HRG: variants seen among roughly 807,000 people sequenced by gnomAD.
HRG encodes the protein histidine rich glycoprotein, also known as histidine-rich glycoprotein.
Under a neutral mutation model 29.5 loss-of-function variants are expected in HRG, and 26 were observed. The ratio of observed to expected loss-of-function variants is 0.88; its 90% CI spans 0.65 to 1.22. HRG has a LOEUF of 1.22. Among genes scored for constraint, HRG ranks in the 50% most tolerant of loss-of-function variants. The pLI is 0.00. For synonymous variants in HRG, 243 were observed against 240.4 expected, an observed-to-expected ratio of 1.01 and a Z score of -0.10; for missense variants, 671 against 654.5, an observed-to-expected ratio of 1.03 and a Z score of -0.28.
chr3:186,666,065 A>T lies in HRG; in HGVS notation c.34A>T (p.Thr12Ser). 6.2e-7 allele frequency: 1 copy of T among 1,614,246 alleles called. No individual in the cohort carries two copies. Among genetic ancestry groups the T allele is most frequent in the Non-Finnish European group, 8.5e-7 (1 of 1,180,026 alleles). The stretch of plus-strand genomic sequence containing the variant: ...ACTCATTGCAGCACTGCTTTTGATC[A>T]CATTGCAGTATTCGTGTGCCGTGAG... The part of the protein sequence containing the change: ...KALIAALLLI[T>S]LQYSCAVSPT... Residue 12 changes from threonine to serine, a missense_variant, in exon 1 of 7, where the codon ACA (threonine) becomes TCA (serine). Thr to Ser is a moderately conservative substitution (Grantham distance 58). Coordinates refer to ENST00000232003, the MANE Select transcript of HRG (RefSeq NM_000412.5).
Position 186,677,330 on chromosome 3 carries a change from A to ATT in HRG, c.1026_1027insTT (p.Asn343LeufsTer97), listed in dbSNP as rs1299870116. The ATT allele has an allele frequency of 6.2e-7, 1 of 1,614,122 alleles. No individual in the cohort carries two copies. Among genetic ancestry groups the ATT allele is most frequent in the Admixed American group, 1.7e-5 (1 of 60,004 alleles). ...ACAAATGGGGCCCAAAGACATTCTC[A>ATT]TAATAATAATTCCAGTGACCTCCAT... On this transcript the variant is annotated frameshift_variant, in exon 7 of 7. Transcript: ENST00000232003. LOFTEE classifies it low-confidence loss of function (END_TRUNC).
intron 5 of HRG, chr3:186,673,652 A>G (rs531283507): frequency 6.6e-6 from 1 of 152,250 alleles, no homozygotes; most frequent in Non-Finnish European, 1.5e-5. Context: ...TATTAATTCC[A>G]CATCATCACA....
intron 4 of HRG, among the ~76,000 whole-genome samples, chr3:186,672,068 A>G (rs933218032): frequency 1.3e-5 from 2 of 152,044 alleles, no homozygotes; most frequent in Non-Finnish European, 2.9e-5. Context: ...ACAAGAACAT[A>G]TGAGGGTTGT....
chr3:186,675,300 T>C (rs200614979), intron 6 of HRG, 110 bp downstream of exon 6: 1 of 582,034 alleles, frequency 1.7e-6, no homozygotes, highest in Non-Finnish European at 3.2e-6. Flanking sequence ...TGTGTGTGTG[T>C]GTGTGTGTGA....
At position 186,677,542 on chromosome 3, in the gene HRG, G is replaced by C; in HGVS notation, c.1237G>C (p.Asp413His). The C allele has an allele frequency of 1.2e-6, 2 of 1,612,106 alleles. No homozygotes were observed. The highest frequency in any genetic ancestry group is 1.7e-6 in the Non-Finnish European group (2 of 1,178,606). ...CCATCCCCACTGCCATGATTTCCAA[G>C]ACTATGGACCTTGTGACCCACCACC... ...GHHPHCHDFQDYGPCDPPPHN... is the reference protein window; with the variant it reads ...GHHPHCHDFQHYGPCDPPPHN... The change falls in exon 7 of 7, where the codon GAC (aspartate) becomes CAC (histidine). Residue 413 changes from aspartate to histidine, a missense_variant. Asp to His is a moderately conservative substitution (Grantham distance 81, BLOSUM62 -1). Transcript: ENST00000232003.
Position 186,666,054 on chromosome 3 carries a change from T to C in HRG, c.23T>C (p.Leu8Pro). The C allele has an allele frequency of 6.2e-7, 1 of 1,614,244 alleles. No homozygotes were observed. Among genetic ancestry groups the C allele is most frequent in the Non-Finnish European group, 8.5e-7 (1 of 1,180,018 alleles). MKALIAA[L>P]LLITLQYSCA... ...AAAATGAAGGCACTCATTGCAGCAC[T>C]GCTTTTGATCACATTGCAGTATTCG... is the stretch of plus-strand genomic sequence containing the variant. The change falls in exon 1 of 7, where the codon CTG becomes CCG. Residue 8 changes from leucine to proline, a missense_variant. Coordinates refer to ENST00000232003, the MANE Select transcript of HRG (RefSeq NM_000412.5).
intron 1 of HRG, 90 bp from the exon 2 acceptor site, chr3:186,668,845 T>C (rs1367610265): frequency 2.7e-6 from 2 of 741,416 alleles, no homozygotes; most frequent in Non-Finnish European, 4.8e-6. Context: ...AGGAATTCTG[T>C]TTAAGTAATA....
At chr3:186,672,649 C>T (rs1290602152) in intron 4 of HRG, 138 bp from the exon 5 acceptor site, 2 of 704,398 alleles carry the variant, frequency 2.8e-6, no homozygotes, top group Non-Finnish European at 5.2e-6. Context: ...AAGGCAGAAA[C>T]CATTTTAAAA....
chr3:186,666,281 C>G (rs1257069262), intron 1 of HRG, 67 bp downstream of exon 1: 17 of 1,499,986 alleles, frequency 1.1e-5, no homozygotes, highest in South Asian at 7.9e-5. Flanking sequence ...GACTCTACCC[C>G]CTAGGCTTAC....
intron 6 of HRG, among the ~76,000 whole-genome samples, chr3:186,675,457 CA>C (rs142678890): frequency 0.016 from 2,505 of 152,092 alleles, 67 homozygotes; most frequent in African/African-American, 0.058. Flanking sequence ...CCAGATTACA[CA>C]AAAAGTATGA....
rs1399203681 is a variant in HRG, at chr3:186,672,834, C to T, written c.606C>T (p.Asn202=). ...ACTTCGTGGACTTCTCTGTGCGGAA[C>T]TGCCCCAGACACCATTTCCCCAGAC... ...TGYFVDFSVR[N]CPRHHFPRHP... Residue 202 remains asparagine (N), a synonymous_variant, in exon 5 of 7, where the codon AAC becomes AAT. Transcript: ENST00000232003. The T allele has an allele frequency of 1.2e-6, 2 of 1,612,394 alleles. No homozygotes were observed. Among genetic ancestry groups the T allele is most frequent in the East Asian group, 4.5e-5 (2 of 44,878 alleles).
intron 2 of HRG, 145 bp downstream of exon 2, chr3:186,669,196 G>A: frequency 2.7e-6 from 2 of 740,110 alleles, no homozygotes; most frequent in Non-Finnish European, 5.0e-6. Context: ...TTAACCTTGA[G>A]CAATACTCTT....
chr3:186,675,165 T>G lies in HRG; in HGVS notation c.716T>G (p.Ile239Arg). Residue 239 changes from isoleucine to arginine, a missense_variant, in exon 6 of 7, where the codon ATA becomes AGA. Ile to Arg is a moderately conservative substitution (Grantham distance 97). Transcript: ENST00000232003. ...TTGGAAAGCCCGAAAAACCTTGTCATAAACTGTGAAGTCTTCGACCCTCAG... is the reference window on the plus strand; with the variant it reads ...TTGGAAAGCCCGAAAAACCTTGTCAGAAACTGTGAAGTCTTCGACCCTCAG... ...LDLESPKNLV[I>R]NCEVFDPQEH... 1 of 1,613,596 alleles carries G rather than the reference T, an allele frequency of 6.2e-7. No individual in the cohort carries two copies. The highest frequency in any genetic ancestry group is 8.5e-7 in the Non-Finnish European group (1 of 1,179,562).
chr3:186,671,485 T>C (rs1313947836), intron 3 of HRG, 138 bp from the exon 4 acceptor site: 1 of 868,602 alleles, frequency 1.2e-6, no homozygotes, highest in Non-Finnish European at 2.0e-6. Flanking sequence ...AATGGCTGAT[T>C]GATCTTGAAG....
intron 3 of HRG, 37 bp from the exon 4 acceptor site, chr3:186,671,586 A>G (rs753448977): frequency 6.2e-7 from 1 of 1,603,632 alleles, no homozygotes; most frequent in Non-Finnish European, 8.5e-7. Context: ...TAACATTTCC[A>G]GCCCTTTACT....
chr3:186,672,863 C>A lies in HRG; in HGVS notation c.635C>A (p.Pro212His), dbSNP rs761839729. Reference protein sequence around the residue: ...NCPRHHFPRHPNVFGFCRADL... With the variant: ...NCPRHHFPRHHNVFGFCRADL... Reference sequence around the variant, plus strand: ...CCCAGACACCATTTCCCCAGACACCCCAATGTGAGTATAAGAAATGTCTGT... The same window carrying A: ...CCCAGACACCATTTCCCCAGACACCACAATGTGAGTATAAGAAATGTCTGT... Residue 212 changes from proline (P) to histidine (H), a missense_variant, in exon 5 of 7, where the codon CCC becomes CAC. Pro to His is a moderately conservative substitution (Grantham distance 77). Coordinates refer to ENST00000232003, the MANE Select transcript of HRG (RefSeq NM_000412.5). 6 of 1,597,542 alleles carry A rather than the reference C, an allele frequency of 3.8e-6. No individual in the cohort carries two copies. In the Admixed American group the frequency reaches 8.3e-5, roughly 22 times the overall value.
At chr3:186,676,910 G>A (rs1719010470) in intron 6 of HRG, 137 bp from the exon 7 acceptor site, 4 of 937,486 alleles carry the variant, frequency 4.3e-6, no homozygotes, top group Non-Finnish European at 6.7e-6. Flanking sequence ...AACAATTTGA[G>A]AATCTTTTTT....
chr3:186,672,696 C>T, intron 4 of HRG, 91 bp from the exon 5 acceptor site: 4 of 824,860 alleles, frequency 4.8e-6, no homozygotes, highest in Non-Finnish European at 8.4e-6. Context: ...TCTCATACTG[C>T]CTTAAAAAAT....
rs1298217480 is a variant in HRG, at chr3:186,671,784, A to G, written c.553A>G (p.Arg185Gly). The change falls in exon 4 of 7, where the codon AGA (arginine) becomes GGA (glycine). Residue 185 changes from arginine (R) to glycine (G), a missense_variant. Transcript: ENST00000232003. ...AGTGGACCGAATCGAGAGAGTTGCA[A>G]GAGTGGTGAGTCTCCACTAAGGTTC... ...FRVDRIERVA[R>G]VRGGEGTGYF... 6.2e-7 allele frequency: 1 copy of G among 1,613,742 alleles called. No individual in the cohort carries two copies. Among genetic ancestry groups the G allele is most frequent in the East Asian group, 2.2e-5 (1 of 44,866 alleles).
Sources: gnomAD v4.1 joint callset for allele counts (sites outside exome capture counted in the v4.1 genomes callset) on GRCh38, gnomAD v4.1.1 for gene constraint, MANE v1.5 for transcripts, NCBI Gene and HGNC (gene_info 2026-07-23, HGNC 2026-07-21) for gene names.